The following DLGAP4 variants were observed in gnomAD, a reference collection of about 807,000 sequenced individuals.
The protein encoded by DLGAP4 is disks large-associated protein 4.
DLGAP4 carries 18 observed loss-of-function variants against 86.9 expected under a neutral mutation model. That is an observed-to-expected ratio of 0.21 (90% CI 0.14 to 0.31). The LOEUF is 0.31. Among genes scored for constraint, DLGAP4 ranks in the 10% least tolerant of loss-of-function variants. DLGAP4 has a pLI of 1.00. For missense variants in DLGAP4, 1,085 were observed against 1,362.6 expected (o/e 0.80, Z 3.21); for synonymous variants, 548 against 574.3 (o/e 0.95, Z 0.65).
intron 7 of DLGAP4, among the ~76,000 whole-genome samples, chr20:36,447,626 G>A: frequency 6.6e-6 from 1 of 152,040 alleles, no homozygotes; most frequent in Non-Finnish European, 1.5e-5. Flanking sequence ...TCACCATGTT[G>A]GCCAGGCTGG....
At chr20:36,508,120 G>C (rs1334383408) in intron 10 of DLGAP4, 2 of 152,118 alleles carry the variant, frequency 1.3e-5, no homozygotes, top group Non-Finnish European at 2.9e-5. Flanking sequence ...CAAGCCCAAG[G>C]CGGGGCTTCA....
At chr20:36,323,246 C>T (rs1248264642) in intron 1 of DLGAP4, among the ~76,000 whole-genome samples, 1 of 149,600 alleles carries the variant, frequency 6.7e-6, no homozygotes, top group African/African-American at 2.5e-5. Flanking sequence ...TCTGTCTTGC[C>T]TTTTCCAATT....
At chr20:36,407,486 A>T (rs572022656) in intron 2 of DLGAP4, among the ~76,000 whole-genome samples, 1 of 151,898 alleles carries the variant, frequency 6.6e-6, no homozygotes, top group Non-Finnish European at 1.5e-5. Context: ...TCCTCAAGGG[A>T]CTCAGAGTGT....
chr20:36,468,102 G>T (rs2034499171), intron 7 of DLGAP4, among the ~76,000 whole-genome samples: 1 of 152,212 alleles, frequency 6.6e-6, no homozygotes. Flanking sequence ...GAAGGTCAGG[G>T]TGCCAGTTTA....
At chr20:36,442,909 C>T in intron 6 of DLGAP4, 132 bp downstream of exon 6, 1 of 1,163,160 alleles carries the variant, frequency 8.6e-7, no homozygotes, top group Non-Finnish European at 1.3e-6. Flanking sequence ...AAGCCACTTC[C>T]AGTGGATGGA....
chr20:36,355,279 C>A (rs1222832579), intron 1 of DLGAP4, among the ~76,000 whole-genome samples: 1 of 150,002 alleles, frequency 6.7e-6, no homozygotes, highest in Non-Finnish European at 1.5e-5. Context: ...TTTTCTTGTT[C>A]TTTTTTCTTT....
rs781331819 is a variant in DLGAP4 at position 36,431,740 on chromosome 20, G to A, written c.23G>A (p.Arg8His). 6.9e-6 allele frequency: 11 copies of A among 1,600,444 alleles called. No homozygotes were observed. Among genetic ancestry groups the A allele is most frequent in the African/African-American group, 2.7e-5 (2 of 74,674 alleles). ...ATCATGAAAGGCCTCGGTGACAGCCGCCCCCGCCACCTCTCCGACAGCCTA... is the reference window on the plus strand; with the variant it reads ...ATCATGAAAGGCCTCGGTGACAGCCACCCCCGCCACCTCTCCGACAGCCTA... MKGLGDS[R>H]PRHLSDSLDP... Residue 8 changes from arginine (R) to histidine (H), a missense_variant, in exon 3 of 13, where the codon CGC (arginine) becomes CAC (histidine). Arg to His is a conservative substitution (Grantham distance 29, BLOSUM62 0). This residue lies in a region of DLGAP4 where 1,082 missense variants were observed against 1,344.1 expected (regional missense o/e 0.81). Coordinates refer to ENST00000339266, the MANE Select transcript of DLGAP4 (RefSeq NM_001365621.2). This position sits in a 1 kb window ranked among gnomAD's most constrained non-coding sequence, Gnocchi z 5.1.
At chr20:36,461,779 G>A (rs1337747912) in intron 7 of DLGAP4, 21 of 408,006 alleles carry the variant, frequency 5.1e-5, no homozygotes, top group African/African-American at 4.8e-4. Flanking sequence ...CCGCGCTTCC[G>A]TCCTGTCCAG....
intron 7 of DLGAP4, among the ~76,000 whole-genome samples, chr20:36,459,396 A>G (rs2033963492): frequency 6.6e-6 from 1 of 151,956 alleles, no homozygotes; most frequent in Admixed American, 6.6e-5. Context: ...TTTATTTTGG[A>G]GACAGTGTCT....
chr20:36,503,430 T>C (rs2036227623), intron 10 of DLGAP4, among the ~76,000 whole-genome samples: 1 of 151,994 alleles, frequency 6.6e-6, no homozygotes, highest in African/African-American at 2.4e-5. Flanking sequence ...TGTCTCTGGA[T>C]TTGCCTATTC....
At chr20:36,359,530 A>G (rs2030444620) in intron 1 of DLGAP4, among the ~76,000 whole-genome samples, 1 of 152,102 alleles carries the variant, frequency 6.6e-6, no homozygotes, top group African/African-American at 2.4e-5. Flanking sequence ...CTGGAATCTG[A>G]CCCAGAGTTC....
At chr20:36,481,866 A>G (rs1600620343) in intron 7 of DLGAP4, among the ~76,000 whole-genome samples, 1 of 152,162 alleles carries the variant, frequency 6.6e-6, no homozygotes, top group Non-Finnish European at 1.5e-5. Context: ...GTAACAGTGC[A>G]TCCTCAGTGT....
At position 36,446,814 on chromosome 20, in the gene DLGAP4, C is replaced by T; in HGVS notation, c.1525C>T (p.Arg509Cys). The change falls in exon 7 of 13, where the codon CGC becomes TGC. Residue 509 changes from arginine to cysteine, a missense_variant. By Grantham distance (180) the Arg-to-Cys change is radical. This residue lies in a region of DLGAP4 where 1,082 missense variants were observed against 1,344.1 expected (regional missense o/e 0.81). Transcript: ENST00000339266. The part of the protein sequence containing the change: ...DLPLPSYFRS[R>C]SHSYLRAIQA... Reference sequence around the variant, plus strand: ...GCCACTGCCCAGCTACTTCCGCTCCCGCAGCCACAGCTACCTGCGTGCCAT... The same window carrying T: ...GCCACTGCCCAGCTACTTCCGCTCCTGCAGCCACAGCTACCTGCGTGCCAT... The T allele has an allele frequency of 6.2e-7, 1 of 1,612,754 alleles. No homozygotes were observed. Among genetic ancestry groups the T allele is most frequent in the Non-Finnish European group, 8.5e-7 (1 of 1,179,784 alleles).
chr20:36,372,521 CTTT>C (rs763253874), intron 2 of DLGAP4, among the ~76,000 whole-genome samples: 8 of 140,132 alleles, frequency 5.7e-5, no homozygotes, highest in African/African-American at 1.6e-4. Flanking sequence ...CCAGGATTTG[CTTT>C]TTTTTTTTTT....
At position 36,362,074 on chromosome 20, in the gene DLGAP4, C is replaced by T. The variant is rs544912244; in HGVS notation, c.-303-4971C>T. Among the ~76,000 whole-genome samples the T allele has an allele frequency of 5.3e-5, 8 of 151,406 alleles. No homozygotes were observed. In the East Asian group the frequency reaches 9.7e-4, roughly 18 times the overall value. ...TGGGAGACTGAGGCGGGCAGATCAC[C>T]TGAGGTCAGGAGTTCAAGACCAGCC... On this transcript the variant is annotated intron_variant, in intron 1 of 12. Transcript: ENST00000339266.
chr20:36,450,610 G>A (rs1400544970), intron 7 of DLGAP4, among the ~76,000 whole-genome samples: 1 of 152,078 alleles, frequency 6.6e-6, no homozygotes, highest in African/African-American at 2.4e-5. Context: ...ACCCCCAAAA[G>A]TCTCATCCAA....
At chr20:36,488,137 T>C (rs538930650) in intron 7 of DLGAP4, among the ~76,000 whole-genome samples, 93 of 150,510 alleles carry the variant, frequency 6.2e-4, no homozygotes, top group Non-Finnish European at 1.0e-3. Context: ...GAGGCAGAGG[T>C]TGCAGTAAGC....
At chr20:36,428,671 G>A (rs914150457) in intron 2 of DLGAP4, among the ~76,000 whole-genome samples, 13 of 152,242 alleles carry the variant, frequency 8.5e-5, no homozygotes, top group East Asian at 1.9e-4. Context: ...TGGGGCCTGC[G>A]TTAAGAGTCA....
At chr20:36,473,336 T>C (rs2034761106) in intron 7 of DLGAP4, among the ~76,000 whole-genome samples, 1 of 152,154 alleles carries the variant, frequency 6.6e-6, no homozygotes, top group African/African-American at 2.4e-5. Flanking sequence ...GTCGCTGAGT[T>C]GTTGGGTGGC....
Sources: allele counts gnomAD v4.1 joint callset (sites outside exome capture counted in the v4.1 genomes callset), GRCh38; gene constraint gnomAD v4.1.1; regional missense constraint gnomAD v4.1.1; non-coding constraint Gnocchi (gnomAD v3.1); transcripts MANE v1.5; gene names NCBI Gene and HGNC (gene_info 2026-07-23, HGNC 2026-07-21).